DNER: variants seen among roughly 807,000 people sequenced by gnomAD.
DNER encodes the protein delta and Notch-like epidermal growth factor-related receptor.
Under a neutral mutation model 78.2 loss-of-function variants are expected in DNER, and 33 were observed. The observed-to-expected ratio is 0.42, with a 90% confidence interval of 0.32 to 0.56. DNER has a LOEUF of 0.56. Among genes scored for constraint, DNER ranks in the 20% least tolerant of loss-of-function variants. The pLI is 0.11. For missense variants in DNER, 918 were observed against 975.3 expected, an observed-to-expected ratio of 0.94 and a Z score of 0.78; for synonymous variants, 417 against 384.8, an observed-to-expected ratio of 1.08 and a Z score of -0.98.
At chr2:229,445,945 A>G (rs548637861) in intron 8 of DNER, among the ~76,000 whole-genome samples, 1 of 152,362 alleles carries the variant, frequency 6.6e-6, no homozygotes, top group East Asian at 1.9e-4. Flanking sequence ...TATGTGAAAA[A>G]AGGCTTTTCA....
intron 4 of DNER, among the ~76,000 whole-genome samples, chr2:229,556,462 T>C (rs1338579439): frequency 6.6e-6 from 1 of 152,262 alleles, no homozygotes; most frequent in African/African-American, 2.4e-5. Context: ...TTCTGATGTG[T>C]GCTTCCAGTT....
Position 229,710,983 on chromosome 2 carries a change from GCACACA to G in DNER, c.276+3159_276+3164del, listed in dbSNP as rs34720917. ...GACTGAAAATGGCATGCATACACGC[GCACACA>G]CACACACACACACACACACACACAC... On this transcript the variant is annotated intron_variant, in intron 1 of 12. Coordinates refer to ENST00000341772, the MANE Select transcript of DNER (RefSeq NM_139072.4). Among the ~76,000 whole-genome samples, 63 of 139,808 alleles carry G rather than the reference GCACACA, an allele frequency of 4.5e-4. No individual in the cohort carries two copies. In the East Asian group the frequency reaches 6.8e-3, roughly 15 times the overall value. The allele number at this position is 139,808 out of a possible 152,430, so 91.7% of individuals were successfully genotyped here.
chr2:229,443,864 T>C (rs1486615285), intron 8 of DNER, among the ~76,000 whole-genome samples: 1 of 152,190 alleles, frequency 6.6e-6, no homozygotes, highest in Non-Finnish European at 1.5e-5. Context: ...ACTTGTCATG[T>C]TCACCTCTTA....
At chr2:229,672,210 G>C (rs1338106117) in intron 1 of DNER, among the ~76,000 whole-genome samples, 1 of 152,186 alleles carries the variant, frequency 6.6e-6, no homozygotes, top group African/African-American at 2.4e-5. Context: ...GCTGGAATCA[G>C]ACGCAGGCTC....
At position 229,438,956 on chromosome 2, in the gene DNER, G is replaced by T. The variant is rs376248565; in HGVS notation, c.1486+8360C>A. Among the ~76,000 whole-genome samples, 9 of 152,294 alleles carry T rather than the reference G, an allele frequency of 5.9e-5. No homozygotes were observed. In the East Asian group the frequency reaches 1.5e-3, roughly 26 times the overall value. On this transcript the variant is annotated intron_variant, in intron 8 of 12. Coordinates refer to ENST00000341772, the MANE Select transcript of DNER (RefSeq NM_139072.4). ...TTGCTATTTACTCTGAGCTAACAGA[G>T]GCTCCAGCAGGTCCCAATTGCCTGG...
At chr2:229,597,668 A>G (rs2075256) in intron 1 of DNER, among the ~76,000 whole-genome samples, 55,368 of 151,912 alleles carry the variant, frequency 0.36, 10,246 homozygotes, top group East Asian at 0.5. Flanking sequence ...AATACCAGCT[A>G]TAATAAAGAG....
At chr2:229,574,303 T>C (rs1697258631) in intron 4 of DNER, among the ~76,000 whole-genome samples, 1 of 152,134 alleles carries the variant, frequency 6.6e-6, no homozygotes, top group Non-Finnish European at 1.5e-5. Flanking sequence ...TTTGAAATTC[T>C]GCCCAAAGAA....
chr2:229,547,377 G>A (rs777598487), intron 4 of DNER, among the ~76,000 whole-genome samples: 3 of 152,162 alleles, frequency 2.0e-5, no homozygotes, highest in Admixed American at 6.5e-5. Flanking sequence ...AGATCCTTTC[G>A]CTTTGCTCCC....
chr2:229,664,530 T>C (rs1299177015), intron 1 of DNER, among the ~76,000 whole-genome samples: 7 of 152,070 alleles, frequency 4.6e-5, no homozygotes, highest in Non-Finnish European at 8.8e-5. Flanking sequence ...AAAAGAATAG[T>C]AAGGCCAAGA....
chr2:229,515,589 T>C (rs1019862958), intron 5 of DNER, among the ~76,000 whole-genome samples: 2 of 152,100 alleles, frequency 1.3e-5, no homozygotes, highest in African/African-American at 4.8e-5. Flanking sequence ...ATGCTGCTTA[T>C]GGAAATAAAT....
intron 1 of DNER, among the ~76,000 whole-genome samples, chr2:229,653,720 T>C (rs1382204678): frequency 6.6e-6 from 1 of 152,224 alleles, no homozygotes; most frequent in African/African-American, 2.4e-5. Context: ...CCATTAAGTT[T>C]CCGTGAATCC....
At chr2:229,528,545 T>G (rs1472687529) in intron 5 of DNER, among the ~76,000 whole-genome samples, 4 of 152,146 alleles carry the variant, frequency 2.6e-5, no homozygotes, top group Non-Finnish European at 5.9e-5. Context: ...GCAATTTCAG[T>G]AAATGCTGGA....
At chr2:229,635,367 A>AT (rs1159817681) in intron 1 of DNER, among the ~76,000 whole-genome samples, 2 of 131,120 alleles carry the variant, frequency 1.5e-5, no homozygotes, top group Non-Finnish European at 3.8e-5. Flanking sequence ...ACAGGAAAAA[A>AT]AAAAAAAAAA....
At chr2:229,546,786 C>T (rs866537812) in intron 5 of DNER, among the ~76,000 whole-genome samples, 161 bp downstream of exon 5, 3 of 150,030 alleles carry the variant, frequency 2.0e-5, no homozygotes, top group Admixed American at 6.7e-5. Context: ...GACAGATAGA[C>T]AGATAGATAG....
chr2:229,579,664 T>C (rs142897843), intron 4 of DNER, among the ~76,000 whole-genome samples: 1 of 152,246 alleles, frequency 6.6e-6, no homozygotes, highest in East Asian at 1.9e-4. Flanking sequence ...ATGAGATCCA[T>C]GAAGTGGATC....
At chr2:229,428,187 T>G (rs941327367) in intron 8 of DNER, among the ~76,000 whole-genome samples, 1 of 149,146 alleles carries the variant, frequency 6.7e-6, no homozygotes, top group Non-Finnish European at 1.5e-5. Flanking sequence ...AGATTTGCAT[T>G]TCAGAGAGAT....
At chr2:229,514,016 C>G (rs1695922991) in intron 5 of DNER, among the ~76,000 whole-genome samples, 1 of 152,038 alleles carries the variant, frequency 6.6e-6, no homozygotes, top group South Asian at 2.1e-4. Context: ...GCCTGCCTTC[C>G]CCTTGAAGAG....
intron 1 of DNER, among the ~76,000 whole-genome samples, chr2:229,608,294 T>A (rs11900303): frequency 0.046 from 6,979 of 152,238 alleles, 481 homozygotes; most frequent in African/African-American, 0.15. Flanking sequence ...TGGAGCACAG[T>A]CACACCTGTC....
intron 4 of DNER, among the ~76,000 whole-genome samples, chr2:229,571,749 G>A (rs1402218115): frequency 6.6e-6 from 1 of 151,710 alleles, no homozygotes; most frequent in Admixed American, 6.6e-5. Flanking sequence ...CCCTGAAACC[G>A]TGGTGTCTGT....
Sources: gnomAD v4.1 joint callset for allele counts (sites outside exome capture counted in the v4.1 genomes callset) on GRCh38, gnomAD v4.1.1 for gene constraint, MANE v1.5 for transcripts, NCBI Gene and HGNC (gene_info 2026-07-23, HGNC 2026-07-21) for gene names.